Variants in RALGPS2 observed in about 807,000 individuals in gnomAD.
RALGPS2 encodes the protein ras-specific guanine nucleotide-releasing factor RalGPS2.
RALGPS2 carries 43 observed loss-of-function variants against 86.8 expected under a neutral mutation model. That is an observed-to-expected ratio of 0.50 (90% CI 0.39 to 0.64). The LOEUF is 0.64. Ranked by LOEUF, RALGPS2 falls within the 30% of genes least tolerant of loss-of-function variation. The pLI, the probability that RALGPS2 is intolerant of heterozygous loss-of-function variation, is 0.00. For synonymous variants in RALGPS2, 243 were observed against 231.3 expected (o/e 1.05, Z -0.46); for missense variants, 536 against 694.6 (o/e 0.77, Z 2.57).
intron 1 of RALGPS2, among the ~76,000 whole-genome samples, chr1:178,768,189 T>TCCATTTTGGTTAGGGA (rs1389823081): frequency 5.9e-5 from 9 of 152,200 alleles, no homozygotes; most frequent in Non-Finnish European, 8.8e-5. Context: ...TTTCTGAGTT[T>TCCATTTTGGTTAGGGA]CCATTTTGGT....
At chr1:178,736,272 C>T (rs1650699547) in intron 1 of RALGPS2, among the ~76,000 whole-genome samples, 1 of 151,492 alleles carries the variant, frequency 6.6e-6, no homozygotes, top group Admixed American at 6.6e-5. Flanking sequence ...CAAGATTCTC[C>T]TGCCTCAGCT....
chr1:178,747,817 G>A (rs370292879), intron 1 of RALGPS2: 33 of 643,348 alleles, frequency 5.1e-5, no homozygotes, highest in Non-Finnish European at 8.0e-5. Flanking sequence ...GGCCCTGCAC[G>A]ATCCGCAGAG....
At chr1:178,861,352 G>C (rs187057879) in intron 8 of RALGPS2, among the ~76,000 whole-genome samples, 18 of 152,158 alleles carry the variant, frequency 1.2e-4, no homozygotes, top group Admixed American at 1.0e-3. Flanking sequence ...TTTCACTGGG[G>C]ATAGGTACAC....
intron 8 of RALGPS2, chr1:178,865,135 T>C (rs762449560): frequency 1.3e-6 from 2 of 1,592,754 alleles, no homozygotes; most frequent in Non-Finnish European, 1.7e-6. Flanking sequence ...CCTGGACAAG[T>C]GGGGGAGACA....
chr1:178,854,070 A>C (rs1411887138), intron 8 of RALGPS2, among the ~76,000 whole-genome samples: 1 of 152,102 alleles, frequency 6.6e-6, no homozygotes, highest in African/African-American at 2.4e-5. Context: ...TAACATTTTC[A>C]TGCAGCTATA....
chr1:178,827,455 C>T (rs1014305134), intron 7 of RALGPS2, among the ~76,000 whole-genome samples: 8 of 139,620 alleles, frequency 5.7e-5, no homozygotes, highest in Admixed American at 4.5e-4. Flanking sequence ...AGTGCAGTGG[C>T]GGGATCTCGG....
At chr1:178,730,848 T>C (rs1187918786) in intron 1 of RALGPS2, among the ~76,000 whole-genome samples, 2 of 152,068 alleles carry the variant, frequency 1.3e-5, no homozygotes, top group East Asian at 3.9e-4. Flanking sequence ...ATTACAGGCA[T>C]GTGCCACCAC....
chr1:178,894,147 A>T (rs1025330631), intron 16 of RALGPS2, 123 bp downstream of exon 16: 1 of 599,316 alleles, frequency 1.7e-6, no homozygotes, highest in South Asian at 2.6e-5. Context: ...ATAATATTAA[A>T]TAAGGTCCTC....
chr1:178,820,582 T>G (rs1200477732), intron 6 of RALGPS2, among the ~76,000 whole-genome samples: 1 of 152,196 alleles, frequency 6.6e-6, no homozygotes, highest in African/African-American at 2.4e-5. Context: ...TATATATACT[T>G]TTATTTATAT....
chr1:178,811,951 A>T (rs1226928538), intron 6 of RALGPS2, among the ~76,000 whole-genome samples: 1 of 152,238 alleles, frequency 6.6e-6, no homozygotes, highest in Admixed American at 6.5e-5. Context: ...TCTACAAAGG[A>T]TACCAAGATT....
chr1:178,741,004 CAG>C (rs1650990679), intron 1 of RALGPS2, among the ~76,000 whole-genome samples: 1 of 152,106 alleles, frequency 6.6e-6, no homozygotes, highest in South Asian at 2.1e-4. Flanking sequence ...AAGCGTATAA[CAG>C]ATGTTCAATA....
intron 4 of RALGPS2, among the ~76,000 whole-genome samples, chr1:178,798,114 C>G (rs1327913708): frequency 1.3e-5 from 2 of 151,696 alleles, no homozygotes; most frequent in Non-Finnish European, 2.9e-5. Flanking sequence ...TGAGATATAT[C>G]CAAATGTATT....
chr1:178,729,855 G>A (rs1650235761), intron 1 of RALGPS2, among the ~76,000 whole-genome samples: 1 of 152,172 alleles, frequency 6.6e-6, no homozygotes, highest in Non-Finnish European at 1.5e-5. Flanking sequence ...CCTGTGTCCT[G>A]CTTTCAGAGC....
chr1:178,886,980 G>A (rs1225192598), intron 13 of RALGPS2, among the ~76,000 whole-genome samples: 1 of 152,128 alleles, frequency 6.6e-6, no homozygotes, highest in Non-Finnish European at 1.5e-5. Flanking sequence ...GGCCTGGATT[G>A]GAGTAGATTT....
intron 6 of RALGPS2, among the ~76,000 whole-genome samples, chr1:178,820,937 C>T (rs180709238): frequency 1.1e-3 from 163 of 152,240 alleles, no homozygotes; most frequent in African/African-American, 3.6e-3. Context: ...GATTTTTAGA[C>T]AGGACTTGCA....
At chr1:178,776,349 T>G (rs533382740) in intron 1 of RALGPS2, among the ~76,000 whole-genome samples, 15 of 152,352 alleles carry the variant, frequency 9.8e-5, no homozygotes, top group South Asian at 4.1e-4. Flanking sequence ...ATGTGTTACT[T>G]TGCCACCTGT....
At chr1:178,739,209 A>G (rs1261964983) in intron 1 of RALGPS2, among the ~76,000 whole-genome samples, 1 of 152,210 alleles carries the variant, frequency 6.6e-6, no homozygotes, top group Non-Finnish European at 1.5e-5. Flanking sequence ...TTTTGAGGAT[A>G]TCTTATGGAT....
intron 19 of RALGPS2, among the ~76,000 whole-genome samples, chr1:178,912,194 T>G (rs1660654277): frequency 6.6e-6 from 1 of 152,246 alleles, no homozygotes; most frequent in Non-Finnish European, 1.5e-5. Context: ...CATTCAAGGT[T>G]ACTATTGATG....
chr1:178,798,977 C>T (rs1281717320), intron 4 of RALGPS2, among the ~76,000 whole-genome samples: 1 of 152,180 alleles, frequency 6.6e-6, no homozygotes, highest in Non-Finnish European at 1.5e-5. Flanking sequence ...CAGCAGCAGA[C>T]AGGCTCCCAG....
Sources: gnomAD v4.1 joint callset for allele counts (sites outside exome capture counted in the v4.1 genomes callset) on GRCh38, gnomAD v4.1.1 for gene constraint, MANE v1.5 for transcripts, NCBI Gene and HGNC (gene_info 2026-07-23, HGNC 2026-07-21) for gene names.